CAMTA1: variants seen among roughly 807,000 people sequenced by gnomAD.
CAMTA1 encodes calmodulin binding transcription activator 1, also known as calmodulin-binding transcription activator 1.
CAMTA1 carries 27 observed loss-of-function variants against 170.9 expected under a neutral mutation model. The observed-to-expected ratio is 0.16, with a 90% CI of 0.12 to 0.22. The LOEUF (loss-of-function observed/expected upper bound fraction) is 0.22. Among genes scored for constraint, CAMTA1 ranks in the 10% least tolerant of loss-of-function variants. The probability of loss-of-function intolerance (pLI) is 1.00; values close to 1 mark genes in which losing one functional copy is unlikely to be tolerated. For synonymous variants in CAMTA1, 833 were observed against 891.5 expected (o/e 0.93, Z 1.17); for missense variants, 1,619 against 2,217.2 (o/e 0.73, Z 5.42).
chr1:7,744,996 C>G lies in CAMTA1; in HGVS notation c.4344C>G (p.Asp1448Glu), dbSNP rs2096846710. 1 of 1,613,680 alleles carries G rather than the reference C, an allele frequency of 6.2e-7. No homozygotes were observed. The highest frequency in any genetic ancestry group is 1.7e-5 in the Admixed American group (1 of 59,974). ...SWLASYLADA[D>E]CLPSAAQIRS... The stretch of plus-strand genomic sequence containing the variant: ...TGGCCAGTTATCTAGCGGATGCTGA[C>G]TGCCTTCCCAGTGCTGCCCAGATCC... Residue 1448 changes from aspartate to glutamate, a missense_variant, in exon 17 of 23, where the codon GAC becomes GAG. Physicochemically the swap from Asp to Glu is conservative, Grantham distance 45. Coordinates refer to ENST00000303635, the MANE Select transcript of CAMTA1 (RefSeq NM_015215.4).
At chr1:6,960,354 C>T (rs1690164870) in intron 3 of CAMTA1, among the ~76,000 whole-genome samples, 1 of 152,078 alleles carries the variant, frequency 6.6e-6, no homozygotes, top group Non-Finnish European at 1.5e-5. Flanking sequence ...GCTCCAGGGA[C>T]AGTGTGGGCC....
chr1:7,108,360 G>T (rs959886541), intron 4 of CAMTA1, among the ~76,000 whole-genome samples: 6 of 152,118 alleles, frequency 3.9e-5, no homozygotes, highest in African/African-American at 1.2e-4. Context: ...AGAACTTAGG[G>T]CTTAGTGTCA....
Position 7,680,861 on chromosome 1 carries a change from C to CGCCAGCAGCAGCAGCAGCAG in CAMTA1, c.2914+3128_2914+3129insGCCAGCAGCAGCAGCAGCAG, listed in dbSNP as rs1553247057. On this transcript the variant is annotated intron_variant, in intron 11 of 22. Transcript: ENST00000303635. The surrounding 1 kb of genome is among the most constrained non-coding windows in gnomAD (Gnocchi z 4.4). ...GAGAACACGCGCGCGCGCGCGCGCG[C>CGCCAGCAGCAGCAGCAGCAG]CAGCAGCAGCAGCAGCAGCAGCTGC... Among the ~76,000 whole-genome samples, 1 of 136,510 alleles carries CGCCAGCAGCAGCAGCAGCAG rather than the reference C, an allele frequency of 7.3e-6. No individual in the cohort carries two copies. The highest frequency in any genetic ancestry group is 1.6e-5 in the Non-Finnish European group (1 of 61,388). 89.6% of individuals were successfully genotyped at this position (136,510 alleles called of 152,430 possible).
At chr1:7,186,237 G>A (rs1653242227) in intron 4 of CAMTA1, among the ~76,000 whole-genome samples, 1 of 152,132 alleles carries the variant, frequency 6.6e-6, no homozygotes, top group Non-Finnish European at 1.5e-5. Context: ...GGGGAATCTG[G>A]GTGAAGGATA....
At position 7,349,835 on chromosome 1, in the gene CAMTA1, TC is replaced by T. The variant is rs2084519446; in HGVS notation, c.438+100211del. ...AGGGACACAATTCACTCCATAACAGTCCTGAAGCAAGATGAATCTGAACCTC... is the reference window on the plus strand; with the variant it reads ...AGGGACACAATTCACTCCATAACAGTCTGAAGCAAGATGAATCTGAACCTC... On this transcript the variant is annotated intron_variant, in intron 5 of 22. Transcript: ENST00000303635. Among the ~76,000 whole-genome samples, 3 of 152,244 alleles carry T rather than the reference TC, an allele frequency of 2.0e-5. No individual in the cohort carries two copies. In the South Asian group the frequency reaches 6.2e-4, roughly 32 times the overall value.
chr1:7,187,599 A>G (rs1344748639), intron 4 of CAMTA1, among the ~76,000 whole-genome samples: 1 of 152,238 alleles, frequency 6.6e-6, no homozygotes, highest in East Asian at 1.9e-4. Context: ...GATGTATTTT[A>G]AAAAATGAAT....
intron 3 of CAMTA1, among the ~76,000 whole-genome samples, chr1:7,075,648 T>G (rs369390671): frequency 6.8e-5 from 10 of 146,886 alleles, no homozygotes; most frequent in African/African-American, 2.0e-4. Flanking sequence ...CGTGGTGCAC[T>G]TTCAATCTCA....
chr1:7,116,157 T>G (rs1644316580), intron 4 of CAMTA1, among the ~76,000 whole-genome samples: 1 of 152,192 alleles, frequency 6.6e-6, no homozygotes, highest in Non-Finnish European at 1.5e-5. Flanking sequence ...CCTCCTTGCC[T>G]TCTACCCCAT....
chr1:6,856,753 G>A (rs1662564736), intron 3 of CAMTA1, among the ~76,000 whole-genome samples: 1 of 152,146 alleles, frequency 6.6e-6, no homozygotes, highest in South Asian at 2.1e-4. Flanking sequence ...GAGAAGCCAG[G>A]GCAGACTTCT....
intron 4 of CAMTA1, among the ~76,000 whole-genome samples, chr1:7,142,872 A>G (rs1420568439): frequency 6.6e-6 from 1 of 152,228 alleles, no homozygotes. Flanking sequence ...AAACAGACTA[A>G]GACAGGTGCC....
At chr1:7,509,822 A>C (rs940845158) in intron 6 of CAMTA1, among the ~76,000 whole-genome samples, 1 of 152,010 alleles carries the variant, frequency 6.6e-6, no homozygotes, top group African/African-American at 2.4e-5. Flanking sequence ...GGATGTGGAC[A>C]TGGGGCCTCC....
At chr1:7,499,670 AGTGT>A (rs1491066436) in intron 6 of CAMTA1, among the ~76,000 whole-genome samples, 1 of 115,620 alleles carries the variant, frequency 8.6e-6, no homozygotes, top group Admixed American at 9.0e-5. Context: ...TGTGTGCATG[AGTGT>A]GTGTGAACCT....
intron 6 of CAMTA1, among the ~76,000 whole-genome samples, chr1:7,602,134 TCC>T (rs2095451389): frequency 7.8e-6 from 1 of 128,318 alleles, no homozygotes; most frequent in South Asian, 2.4e-4. Context: ...CTTCCTTCCT[TCC>T]TTCCTTCCTC....
At position 7,664,012 on chromosome 1, in the gene CAMTA1, C is replaced by T; in HGVS notation, c.1465C>T (p.Leu489Phe). The T allele has an allele frequency of 6.2e-7, 1 of 1,614,012 alleles. No homozygotes were observed. The highest frequency in any genetic ancestry group is 8.5e-7 in the Non-Finnish European group (1 of 1,180,048). ...TTMNFDPDCFLNNPKQGQTYG... is the reference protein window; with the variant it reads ...TTMNFDPDCFFNNPKQGQTYG... ...CATGAACTTTGACCCCGACTGTTTC[C>T]TTAATAACCCAAAGCAGGGCCAGAC... Residue 489 changes from leucine (L) to phenylalanine (F), a missense_variant, in exon 9 of 23, where the codon CTT becomes TTT. Transcript: ENST00000303635.
chr1:7,719,319 A>G (rs2096634409), intron 11 of CAMTA1, among the ~76,000 whole-genome samples: 1 of 152,168 alleles, frequency 6.6e-6, no homozygotes, highest in Admixed American at 6.5e-5. Context: ...TAGTATTGAA[A>G]GATTTCAAAT....
chr1:6,957,072 G>A (rs1010778208), intron 3 of CAMTA1, among the ~76,000 whole-genome samples: 1 of 152,234 alleles, frequency 6.6e-6, no homozygotes, highest in East Asian at 1.9e-4. Flanking sequence ...TTGGATGTGG[G>A]GCTGGGACCT....
chr1:7,667,104 G>A (rs2096008067), intron 9 of CAMTA1, among the ~76,000 whole-genome samples: 1 of 152,082 alleles, frequency 6.6e-6, no homozygotes, highest in African/African-American at 2.4e-5. Flanking sequence ...TCCCAGGCTG[G>A]TCTTGACCTC....
chr1:7,503,391 G>T (rs903147392), intron 6 of CAMTA1, among the ~76,000 whole-genome samples: 1 of 152,182 alleles, frequency 6.6e-6, no homozygotes, highest in Non-Finnish European at 1.5e-5. Flanking sequence ...GAACTTCCTC[G>T]CAGTGAGCAG....
intron 3 of CAMTA1, among the ~76,000 whole-genome samples, chr1:6,925,294 C>T (rs540118280): frequency 6.6e-6 from 1 of 152,348 alleles, no homozygotes; most frequent in Middle Eastern, 3.4e-3. Flanking sequence ...CAGCAGCCCT[C>T]CTGTCTCTCA....
Sources: allele counts gnomAD v4.1 joint callset (sites outside exome capture counted in the v4.1 genomes callset), GRCh38; gene constraint gnomAD v4.1.1; non-coding constraint Gnocchi (gnomAD v3.1); transcripts MANE v1.5; gene names NCBI Gene and HGNC (gene_info 2026-07-23, HGNC 2026-07-21).